The following WDR13 variants were observed in gnomAD, a reference collection of about 807,000 sequenced individuals.
The protein encoded by WDR13 is WD repeat domain 13, also known as WD repeat-containing protein 13.
In WDR13, 1 loss-of-function variant was observed where a neutral mutation model predicts 28.6. The observed-to-expected ratio is 0.03, with a 90% CI of 0.01 to 0.17. WDR13 has a LOEUF of 0.17. Among genes scored for constraint, WDR13 ranks in the 10% least tolerant of loss-of-function variants. The probability of loss-of-function intolerance (pLI) is 1.00; values close to 1 mark genes in which losing one functional copy is unlikely to be tolerated. For missense variants in WDR13, 264 were observed against 469.3 expected (o/e 0.56, Z 4.04); for synonymous variants, 201 against 185.9 (o/e 1.08, Z -0.66).
chrX:48,598,350 A>G (rs1461985335), intron 2 of WDR13: 4 of 1,007,341 alleles, frequency 4.0e-6, no homozygotes, highest in Non-Finnish European at 2.5e-6. Context: ...TTTTTACATC[A>G]TCACTTCCCC....
rs372531691 is a variant in WDR13, at chrX:48,598,852, G to A, written c.177G>A (p.Gly59=). Residue 59 remains glycine, a synonymous_variant, in exon 3 of 10, where the codon GGG becomes GGA. Coordinates refer to ENST00000376729, the MANE Select transcript of WDR13 (RefSeq NM_001347217.2). ...GTCGGCAGTACCTGAGGCTTCGGGG[G>A]CAGCTGCTGGGCCAGCGCTACGGGC... ...ALRRQYLRLR[G]QLLGQRYGPL... is the part of the protein sequence containing the mutation. The A allele has an allele frequency of 1.7e-6, 2 of 1,205,619 alleles. No individual in the cohort carries two copies. Among genetic ancestry groups the A allele is most frequent in the Non-Finnish European group, 2.2e-6 (2 of 893,278 alleles).
Position 48,604,104 on chromosome X carries a change from A to C in WDR13, c.1155-168A>C, listed in dbSNP as rs1007712737. On this transcript the variant is annotated intron_variant, in intron 8 of 9. Coordinates refer to ENST00000376729, the MANE Select transcript of WDR13 (RefSeq NM_001347217.2). ...CAGTGAGCCGTGATCGCACCACTAC[A>C]CTCCAGCCTGGGTGACAGAGTGAGA... 4.4e-5 allele frequency: 19 copies of C among 432,769 alleles called. No homozygotes were observed. In the Middle Eastern group the frequency reaches 1.2e-3, roughly 28 times the overall value. 35.7% of individuals were successfully genotyped at this position (432,769 alleles called of 1,213,427 possible).
chrX:48,598,206 G>C (rs782782873), intron 2 of WDR13, 169 bp downstream of exon 2: 1 of 1,122,452 alleles, frequency 8.9e-7, no homozygotes, highest in African/African-American at 1.9e-5. Context: ...TGGCTGCGCC[G>C]GAGAGGATTC....
intron 8 of WDR13, 45 bp downstream of exon 8, chrX:48,602,251 C>T: frequency 8.6e-7 from 1 of 1,158,186 alleles, no homozygotes; most frequent in Non-Finnish European, 1.2e-6. Flanking sequence ...GACCTGCCTC[C>T]TCCAGCACAC....
rs2062226620 is a variant in WDR13 at position 48,607,378 on chromosome X, T to TGG, written c.*2347_*2348dup. The TGG allele has an allele frequency of 7.0e-4, 1 of 1,430 alleles. No homozygotes were observed. Among genetic ancestry groups the TGG allele is most frequent in the Non-Finnish European group, 4.8e-3 (1 of 209 alleles). The allele number at this position is 1,430 out of a possible 1,213,427, so 0.1% of individuals were successfully genotyped here. A position where few individuals can be genotyped will look rare whatever the true frequency, so the allele number is the denominator to read the frequency against. ...TGTTGTTGTTGTTTTGGTTTTTTTT[T>TGG]GGCGGGGGGGGGGGGGTCTTGCTCT... is the stretch of plus-strand genomic sequence containing the variant. On this transcript the variant is annotated 3_prime_UTR_variant, in exon 10 of 10. Coordinates refer to ENST00000376729, the MANE Select transcript of WDR13 (RefSeq NM_001347217.2).
At position 48,608,121 on chromosome X, in the gene WDR13, TC is replaced by T. The variant is rs2062232791; in HGVS notation, c.*3090del. The T allele has an allele frequency of 1.0e-5, 1 of 99,474 alleles. No homozygotes were observed. Among genetic ancestry groups the T allele is most frequent in the Admixed American group, 1.1e-4 (1 of 9,468 alleles). The allele number at this position is 99,474 out of a possible 1,213,427, so 8.2% of individuals were successfully genotyped here. ...AGAGTAAGCCATTCTTTTTTTTCTT[TC>T]TTTCTTTTTTTTTTTTTTTGAGACA... is the stretch of plus-strand genomic sequence containing the variant. On this transcript the variant is annotated 3_prime_UTR_variant, in exon 10 of 10. Coordinates refer to ENST00000376729, the MANE Select transcript of WDR13 (RefSeq NM_001347217.2).
In WDR13 at chrX:48,603,162, G is replaced by A. The variant is rs1388844314; in HGVS notation, c.1154+956G>A. On this transcript the variant is annotated intron_variant, in intron 8 of 9. Transcript: ENST00000376729. ...TAAGTAGCTGAGATTACAGGCACAC[G>A]CCACCATGCTCGGCCAACCTTTTTA... Among the ~76,000 whole-genome samples the A allele has an allele frequency of 3.6e-5, 4 of 111,805 alleles. No individual in the cohort carries two copies. The South Asian group carries it at 1.1e-3, about 31-fold the overall frequency.
chrX:48,598,186 C>T, intron 2 of WDR13, 149 bp downstream of exon 2: 1 of 1,130,422 alleles, frequency 8.8e-7, no homozygotes, highest in Non-Finnish European at 1.2e-6. Flanking sequence ...CGGGCACGCC[C>T]GCGGTGAGTT....
rs1416257538 is a variant in WDR13, at chrX:48,599,953, G to A, written c.523+236G>A. ...TGCAGCAGGCTGCCTGGGTTCCTGA[G>A]TCACTTGGAAGAGTTCAAAGCCTTT... On this transcript the variant is annotated intron_variant, in intron 5 of 9. Transcript: ENST00000376729. 2.4e-5 allele frequency: 11 copies of A among 463,086 alleles called. 1 individual carries two copies. The highest frequency in any genetic ancestry group is 7.2e-5 in the African/African-American group (3 of 41,733). 38.2% of individuals were successfully genotyped at this position (463,086 alleles called of 1,213,427 possible). A position where few individuals can be genotyped will look rare whatever the true frequency, so the allele number is the denominator to read the frequency against.
intron 9 of WDR13, 69 bp downstream of exon 9, chrX:48,604,459 G>A: frequency 1.0e-6 from 1 of 969,542 alleles, no homozygotes; most frequent in Non-Finnish European, 1.4e-6. Context: ...GTGCCAACCT[G>A]GCTCAGACAT....
Position 48,600,394 on chromosome X carries a change from G to A in WDR13, c.599G>A (p.Cys200Tyr). The A allele has an allele frequency of 8.3e-7, 1 of 1,211,267 alleles. No individual in the cohort carries two copies. The highest frequency in any genetic ancestry group is 1.7e-5 in the African/African-American group (1 of 58,027). The change falls in exon 6 of 10, where the codon TGC (cysteine) becomes TAC (tyrosine). Residue 200 changes from cysteine (C) to tyrosine (Y), a missense_variant. Physicochemically the swap from Cys to Tyr is radical, Grantham distance 194. Around this residue, in one of 4 missense-constraint regions of WDR13, gnomAD observed 157 missense variants for 270.2 expected, o/e 0.58. Coordinates refer to ENST00000376729, the MANE Select transcript of WDR13 (RefSeq NM_001347217.2). The part of the protein sequence containing the change: ...CCSLDGSISL[C>Y]QLVPAPPTVL... Reference sequence around the variant, plus strand: ...TCACTCGACGGCAGCATCTCCCTGTGCCAGCTGGTGCCTGCCCCACCCACA... The same window carrying A: ...TCACTCGACGGCAGCATCTCCCTGTACCAGCTGGTGCCTGCCCCACCCACA...
At chrX:48,599,150 T>C in intron 3 of WDR13, 193 bp downstream of exon 3, 7 of 721,490 alleles carry the variant, frequency 9.7e-6, no homozygotes, top group Non-Finnish European at 1.2e-5. Flanking sequence ...AAGCCCTGTC[T>C]TTAGTATCTG....
In WDR13 at chrX:48,599,737, G is replaced by A; in HGVS notation, c.523+20G>A. On this transcript the variant is annotated intron_variant, in intron 5 of 9. Coordinates refer to ENST00000376729, the MANE Select transcript of WDR13 (RefSeq NM_001347217.2). ...AGGCAGGTGAGCCAGTGGGTAGCGG[G>A]TTCCATCACCAAGCGTTTGCCCAAA... The A allele has an allele frequency of 8.3e-7, 1 of 1,209,480 alleles. No homozygotes were observed.
rs868988093 is a variant in WDR13 at position 48,601,893 on chromosome X, C to T, written c.941C>T (p.Ala314Val). 2 of 1,206,301 alleles carry T rather than the reference C, an allele frequency of 1.7e-6. No homozygotes were observed. The highest frequency in any genetic ancestry group is 2.3e-4 in the Middle Eastern group (1 of 4,321). The change falls in exon 7 of 10, where the codon GCC (alanine) becomes GTC (valine). Residue 314 changes from alanine (A) to valine (V), a missense_variant. Ala to Val is a moderately conservative substitution (Grantham distance 64). Around this residue, in one of 4 missense-constraint regions of WDR13, gnomAD observed 157 missense variants for 270.2 expected, o/e 0.58. Transcript: ENST00000376729. ...CGTGTCCTTGCTCTGTCCTTTGATG[C>T]CCCTGGCCGGCTGCTCTGGGCGGGT... ...TGRVLALSFD[A>V]PGRLLWAGDD...
chrX:48,602,696 A>G (rs990402622), intron 8 of WDR13, among the ~76,000 whole-genome samples: 2 of 109,822 alleles, frequency 1.8e-5, no homozygotes, highest in African/African-American at 3.3e-5. Flanking sequence ...GTAATTTCAG[A>G]AGCTTTGGGA....
At chrX:48,602,344 G>A (rs1556994936) in intron 8 of WDR13, 138 bp downstream of exon 8, 5 of 710,907 alleles carry the variant, frequency 7.0e-6, no homozygotes, top group East Asian at 7.1e-5. Context: ...AGTAGTGAGC[G>A]CGTTTACAGC....
In WDR13 at chrX:48,606,995, T is replaced by G. The variant is rs1398436422; in HGVS notation, c.*1963T>G. On this transcript the variant is annotated 3_prime_UTR_variant, in exon 10 of 10. Transcript: ENST00000376729. Reference sequence around the variant, plus strand: ...GGTACATGGTGGTGAGATAGGGACATCAGTGAGCTGGATTGTTCCCATGGT... The same window carrying G: ...GGTACATGGTGGTGAGATAGGGACAGCAGTGAGCTGGATTGTTCCCATGGT... The G allele has an allele frequency of 9.0e-6, 1 of 111,400 alleles. No homozygotes were observed. Among genetic ancestry groups the G allele is most frequent in the African/African-American group, 3.3e-5 (1 of 30,626 alleles). 9.2% of individuals were successfully genotyped at this position (111,400 alleles called of 1,213,427 possible).
At position 48,597,842 on chromosome X, in the gene WDR13, T is replaced by C. The variant is rs1238523496; in HGVS notation, c.-39-116T>C. ...ACCATGGTAACACCCGGGGGGGAGT[T>C]CGTGACATCTCCGGCGCGGAGGGAC... On this transcript the variant is annotated intron_variant, in intron 1 of 9. Coordinates refer to ENST00000376729, the MANE Select transcript of WDR13 (RefSeq NM_001347217.2). The C allele has an allele frequency of 4.2e-6, 4 of 963,346 alleles. No individual in the cohort carries two copies. The African/African-American group carries it at 8.1e-5, about 20-fold the overall frequency. 79.4% of individuals were successfully genotyped at this position (963,346 alleles called of 1,213,427 possible). A position where few individuals can be genotyped will look rare whatever the true frequency, so the allele number is the denominator to read the frequency against.
chrX:48,605,036 C>A lies in WDR13; in HGVS notation c.*4C>A. On this transcript the variant is annotated 3_prime_UTR_variant, in exon 10 of 10. Coordinates refer to ENST00000376729, the MANE Select transcript of WDR13 (RefSeq NM_001347217.2). ...CTGGAGGCGGGAGCAGAAGTAGGGTCCTGTCGGCCCTGCTGCTGTCCTCCA... is the reference window on the plus strand; with the variant it reads ...CTGGAGGCGGGAGCAGAAGTAGGGTACTGTCGGCCCTGCTGCTGTCCTCCA... 3 of 1,196,395 alleles carry A rather than the reference C, an allele frequency of 2.5e-6. No homozygotes were observed. In the African/African-American group the frequency reaches 5.2e-5, roughly 21 times the overall value.
Sources: allele counts gnomAD v4.1 joint callset (sites outside exome capture counted in the v4.1 genomes callset), GRCh38; gene constraint gnomAD v4.1.1; regional missense constraint gnomAD v4.1.1; transcripts MANE v1.5; gene names NCBI Gene and HGNC (gene_info 2026-07-23, HGNC 2026-07-21).